Variants in AGAP1 observed in about 807,000 individuals in gnomAD.
The protein encoded by AGAP1 is ArfGAP with GTPase domain, ankyrin repeat and PH domain 1, also known as arf-GAP with GTPase, ANK repeat and PH domain-containing protein 1.
A neutral mutation model predicts 105.3 loss-of-function variants in AGAP1; 29 were observed. That is an observed-to-expected ratio of 0.28 (90% CI 0.21 to 0.38). AGAP1 has a LOEUF of 0.38. Ranked by LOEUF, AGAP1 falls within the 10% of genes least tolerant of loss-of-function variation. The pLI, the probability that AGAP1 is intolerant of heterozygous loss-of-function variation, is 1.00. For missense variants in AGAP1, 998 were observed against 1,165.1 expected (o/e 0.86, Z 2.09); for synonymous variants, 509 against 485.9 (o/e 1.05, Z -0.63).
chr2:235,873,053 G>T (rs2049523756), intron 9 of AGAP1, among the ~76,000 whole-genome samples: 1 of 152,188 alleles, frequency 6.6e-6, no homozygotes, highest in African/African-American at 2.4e-5. Context: ...CATCCAGGCA[G>T]CTCTCACTGC....
intron 1 of AGAP1, among the ~76,000 whole-genome samples, chr2:235,636,156 G>C (rs948204107): frequency 2.6e-5 from 3 of 116,236 alleles, no homozygotes. Flanking sequence ...AATAAATAAA[G>C]TCTCATCTTA....
intron 1 of AGAP1, among the ~76,000 whole-genome samples, chr2:235,510,416 A>T (rs952854809): frequency 3.3e-5 from 5 of 152,092 alleles, no homozygotes; most frequent in Non-Finnish European, 7.4e-5. Flanking sequence ...GTTCCATTGT[A>T]TGGATTTACT....
rs1947245105 is a variant in AGAP1 at position 235,642,889 on chromosome 2, G to A, written c.164-66290G>A. ...CAGATTTCTCGTGGCCTAGACTGTG[G>A]TGTTTGGGGCCGCCTGTCTGTAATG... On this transcript the variant is annotated intron_variant, in intron 1 of 17. Coordinates refer to ENST00000304032, the MANE Select transcript of AGAP1 (RefSeq NM_001037131.3). The surrounding 1 kb of genome is among the most constrained non-coding windows in gnomAD (Gnocchi z 4.1). 6.6e-6 allele frequency among the ~76,000 whole-genome samples: 1 copy of A among 152,220 alleles called. No individual in the cohort carries two copies. The highest frequency in any genetic ancestry group is 1.5e-5 in the Non-Finnish European group (1 of 68,042).
intron 6 of AGAP1, among the ~76,000 whole-genome samples, chr2:235,757,402 G>A (rs551341317): frequency 2.0e-5 from 3 of 148,846 alleles, no homozygotes; most frequent in African/African-American, 7.8e-5. Context: ...TGTGTGCCAG[G>A]TGCTAGTGTG....
At chr2:235,932,421 A>G (rs2052767915) in intron 12 of AGAP1, among the ~76,000 whole-genome samples, 1 of 152,250 alleles carries the variant, frequency 6.6e-6, no homozygotes, top group African/African-American at 2.4e-5. Flanking sequence ...TACTCGTTTC[A>G]TTATCAAATA....
rs555467216 is a variant in AGAP1, at chr2:235,608,839, G to A, written c.164-100340G>A. ...AGATCAGGGGACAAGGGTGAAATTC[G>A]AATAGATTGTACGAAGGTTTGAGAG... On this transcript the variant is annotated intron_variant, in intron 1 of 17. Coordinates refer to ENST00000304032, the MANE Select transcript of AGAP1 (RefSeq NM_001037131.3). The surrounding 1 kb of genome is among the most constrained non-coding windows in gnomAD (Gnocchi z 5.4). Among the ~76,000 whole-genome samples, 12 of 152,246 alleles carry A rather than the reference G, an allele frequency of 7.9e-5. No homozygotes were observed. Among genetic ancestry groups the A allele is most frequent in the South Asian group, 2.1e-4 (1 of 4,816 alleles).
In AGAP1 at chr2:235,752,904, A is replaced by T. The variant is rs528217683; in HGVS notation, c.673+2416A>T. On this transcript the variant is annotated intron_variant, in intron 6 of 17. Coordinates refer to ENST00000304032, the MANE Select transcript of AGAP1 (RefSeq NM_001037131.3). The surrounding 1 kb of genome is among the most constrained non-coding windows in gnomAD (Gnocchi z 4.3). ...CTTTTACTTGTCCTACTTACGGAGG[A>T]TGGGAGTCCAGGGCCAGGTGCTGGT... Among the ~76,000 whole-genome samples the T allele has an allele frequency of 1.3e-5, 2 of 152,282 alleles. No homozygotes were observed. Among genetic ancestry groups the T allele is most frequent in the African/African-American group, 4.8e-5 (2 of 41,558 alleles).
intron 12 of AGAP1, among the ~76,000 whole-genome samples, chr2:235,941,140 A>G (rs1249336794): frequency 1.3e-5 from 2 of 152,254 alleles, no homozygotes; most frequent in Non-Finnish European, 2.9e-5. Context: ...TGTTGGTCAC[A>G]GTGTATACAG....
intron 1 of AGAP1, chr2:235,671,073 G>A: frequency 7.9e-7 from 1 of 1,260,032 alleles, no homozygotes; most frequent in Non-Finnish European, 1.0e-6. Context: ...CAGCGTGGCC[G>A]GGGGTCCCGG....
intron 1 of AGAP1, among the ~76,000 whole-genome samples, chr2:235,579,450 AAAATTTACATAACAT>A (rs1228169755): frequency 6.6e-6 from 1 of 152,186 alleles, no homozygotes; most frequent in African/African-American, 2.4e-5. Context: ...ATATTGAGGC[AAAATTTACATAACAT>A]AAAGTTAAGC....
chr2:235,829,765 G>T (rs1212995313), intron 9 of AGAP1, among the ~76,000 whole-genome samples: 1 of 152,184 alleles, frequency 6.6e-6, no homozygotes, highest in Non-Finnish European at 1.5e-5. Flanking sequence ...GCAGTGGGTG[G>T]CCCCTCTGTG....
Position 236,120,371 on chromosome 2 carries a change from G to A in AGAP1, c.2294G>A (p.Gly765Glu), listed in dbSNP as rs1384784289. ...GSRDEVNETC[G>E]EGDGRTALHL... The stretch of plus-strand genomic sequence containing the variant: ...CGGGACGAGGTGAACGAGACCTGCG[G>A]GGAGGGAGACGGCCGCACGGCGCTG... Residue 765 changes from glycine (G) to glutamate (E), a missense_variant, in exon 17 of 18, where the codon GGG becomes GAG. Gly to Glu is a moderately conservative substitution (Grantham distance 98, BLOSUM62 -2). Transcript: ENST00000304032. This position sits in a 1 kb window ranked among gnomAD's most constrained non-coding sequence, Gnocchi z 6.0. 1.9e-6 allele frequency: 3 copies of A among 1,611,728 alleles called. No individual in the cohort carries two copies. The highest frequency in any genetic ancestry group is 3.3e-5 in the Admixed American group (2 of 60,008).
At chr2:235,587,100 C>T (rs1574908457) in intron 1 of AGAP1, among the ~76,000 whole-genome samples, 2 of 152,230 alleles carry the variant, frequency 1.3e-5, no homozygotes, top group East Asian at 1.9e-4. Context: ...GTTTTTGAGC[C>T]ATTTGTATGG....
rs369207792 is a variant in AGAP1 at position 235,753,880 on chromosome 2, TTTC to T, written c.673+3395_673+3397del. 3.7e-3 allele frequency among the ~76,000 whole-genome samples: 559 copies of T among 152,312 alleles called. 3 individuals are homozygous for T. Among genetic ancestry groups the T allele is most frequent in the African/African-American group, 0.013 (537 of 41,564 alleles). On this transcript the variant is annotated intron_variant, in intron 6 of 17. Coordinates refer to ENST00000304032, the MANE Select transcript of AGAP1 (RefSeq NM_001037131.3). This position sits in a 1 kb window ranked among gnomAD's most constrained non-coding sequence, Gnocchi z 4.5. ...TATATCATAGTTATATGGTATATGG[TTTC>T]TTATTTGTATATGTATTTTCATGTA... is the stretch of plus-strand genomic sequence containing the variant.
intron 1 of AGAP1, among the ~76,000 whole-genome samples, chr2:235,673,623 G>A (rs1479777155): frequency 6.6e-6 from 1 of 152,164 alleles, no homozygotes; most frequent in Non-Finnish European, 1.5e-5. Flanking sequence ...TAATTTGCCA[G>A]CCATTTATGA....
intron 16 of AGAP1, among the ~76,000 whole-genome samples, chr2:236,064,342 C>G (rs539055806): frequency 6.6e-6 from 1 of 152,288 alleles, no homozygotes; most frequent in South Asian, 2.1e-4. Context: ...GTAATCCCAG[C>G]ACTTTGGGGA....
chr2:235,598,465 C>A (rs1271563990), intron 1 of AGAP1, among the ~76,000 whole-genome samples: 1 of 152,146 alleles, frequency 6.6e-6, no homozygotes, highest in Non-Finnish European at 1.5e-5. Flanking sequence ...TTGTTTATAT[C>A]AAATTACCCT....
In AGAP1 at chr2:236,096,623, G is replaced by A. The variant is rs1361111348; in HGVS notation, c.2115-23569G>A. 2.6e-5 allele frequency among the ~76,000 whole-genome samples: 4 copies of A among 151,788 alleles called. No homozygotes were observed. The highest frequency in any genetic ancestry group is 4.4e-5 in the Non-Finnish European group (3 of 67,970). ...GACAGAGTCTCGCTCTTGTCACCCA[G>A]GCTGGAGTGCAGTGGCATGATCTCA... On this transcript the variant is annotated intron_variant, in intron 16 of 17. Transcript: ENST00000304032. The surrounding 1 kb of genome is among the most constrained non-coding windows in gnomAD (Gnocchi z 4.4).
chr2:236,084,674 A>C (rs1312869368), intron 16 of AGAP1, among the ~76,000 whole-genome samples: 1 of 150,556 alleles, frequency 6.6e-6, no homozygotes, highest in South Asian at 2.1e-4. Context: ...AGGCTGAAGC[A>C]GGCAGATCAT....
Sources: gnomAD v4.1 joint callset for allele counts (sites outside exome capture counted in the v4.1 genomes callset) on GRCh38, gnomAD v4.1.1 for gene constraint, Gnocchi (gnomAD v3.1) non-coding constraint, MANE v1.5 for transcripts, NCBI Gene and HGNC (gene_info 2026-07-23, HGNC 2026-07-21) for gene names.